Variants in NTN1 observed in about 807,000 individuals in gnomAD.
NTN1 encodes netrin 1.
A neutral mutation model predicts 54.2 loss-of-function variants in NTN1; 11 were observed. The observed-to-expected ratio is 0.20, with a 90% CI of 0.13 to 0.34. The LOEUF (loss-of-function observed/expected upper bound fraction) is 0.34. Among genes scored for constraint, NTN1 ranks in the 10% least tolerant of loss-of-function variants. The pLI is 1.00. For missense variants in NTN1, 740 were observed against 893.1 expected, an observed-to-expected ratio of 0.83 and a Z score of 2.18; for synonymous variants, 371 against 382.0, an observed-to-expected ratio of 0.97 and a Z score of 0.33.
chr17:9,161,203 G>A (rs1480298116), intron 2 of NTN1, among the ~76,000 whole-genome samples: 1 of 152,084 alleles, frequency 6.6e-6, no homozygotes, highest in Non-Finnish European at 1.5e-5. Flanking sequence ...GGTGGAGCGG[G>A]GCTGGGAAGT....
In NTN1 at chr17:9,183,676, A is replaced by T. The variant is rs553620283; in HGVS notation, c.1411+707A>T. On this transcript the variant is annotated intron_variant, in intron 5 of 6. Coordinates refer to ENST00000173229, the MANE Select transcript of NTN1 (RefSeq NM_004822.3). Reference sequence around the variant, plus strand: ...AGAAGCACTCGCGTAACGTAACCATACCATCAATCTGGGTCTTTAAAGATA... The same window carrying T: ...AGAAGCACTCGCGTAACGTAACCATTCCATCAATCTGGGTCTTTAAAGATA... 6.6e-5 allele frequency: 13 copies of T among 197,022 alleles called. No individual in the cohort carries two copies. The East Asian group carries it at 1.2e-3, about 18-fold the overall frequency. The allele number at this position is 197,022 out of a possible 1,614,324, so 12.2% of individuals were successfully genotyped here.
intron 2 of NTN1, among the ~76,000 whole-genome samples, chr17:9,102,597 A>G (rs190654296): frequency 6.6e-6 from 1 of 152,246 alleles, no homozygotes; most frequent in Non-Finnish European, 1.5e-5. Flanking sequence ...TGCCCATCTT[A>G]TAACGCAGCA....
chr17:9,183,569 A>G (rs1337209525), intron 5 of NTN1: 2 of 307,752 alleles, frequency 6.5e-6, no homozygotes, highest in Admixed American at 1.0e-4. Flanking sequence ...TATCATAAAT[A>G]TCGTTCATGC....
chr17:9,123,892 C>T (rs566204167), intron 2 of NTN1, among the ~76,000 whole-genome samples: 1 of 152,176 alleles, frequency 6.6e-6, no homozygotes, highest in Non-Finnish European at 1.5e-5. Context: ...AAGGGTTATT[C>T]ATGTTGTTGT....
At chr17:9,127,604 C>T (rs1392068223) in intron 2 of NTN1, among the ~76,000 whole-genome samples, 1 of 152,072 alleles carries the variant, frequency 6.6e-6, no homozygotes, top group Non-Finnish European at 1.5e-5. Context: ...TCGGTGTCTA[C>T]TGGGCACACT....
intron 6 of NTN1, among the ~76,000 whole-genome samples, chr17:9,227,997 C>T (rs962560690): frequency 3.9e-5 from 6 of 152,186 alleles, no homozygotes; most frequent in African/African-American, 1.4e-4. Flanking sequence ...AGCCTCCCCT[C>T]CACACTCGTT....
intron 5 of NTN1, among the ~76,000 whole-genome samples, chr17:9,207,271 G>A (rs753293393): frequency 2.2e-4 from 34 of 152,184 alleles, no homozygotes; most frequent in Non-Finnish European, 4.6e-4. Flanking sequence ...TTGCTTTTCA[G>A]AACAGCCAGA....
intron 2 of NTN1, among the ~76,000 whole-genome samples, chr17:9,048,047 G>T (rs1024944157): frequency 1.3e-5 from 2 of 152,114 alleles, no homozygotes; most frequent in African/African-American, 4.8e-5. Context: ...TTTTCAGAAG[G>T]TTTTCAATTT....
intron 6 of NTN1, among the ~76,000 whole-genome samples, chr17:9,224,336 C>T (rs1205258096): frequency 6.6e-6 from 1 of 152,216 alleles, no homozygotes; most frequent in Non-Finnish European, 1.5e-5. Context: ...CTGCGCCCTG[C>T]CCTGTTGTGG....
chr17:9,096,122 C>T (rs979428634), intron 2 of NTN1, among the ~76,000 whole-genome samples: 7 of 151,964 alleles, frequency 4.6e-5, no homozygotes, highest in Non-Finnish European at 7.4e-5. Flanking sequence ...TGAATCTTCT[C>T]GTATGAAACT....
intron 3 of NTN1, among the ~76,000 whole-genome samples, chr17:9,172,387 G>A (rs1227263143): frequency 6.6e-6 from 1 of 152,120 alleles, no homozygotes; most frequent in Non-Finnish European, 1.5e-5. Context: ...GGCTGAGGTA[G>A]GAGAATGGCG....
chr17:9,029,631 C>T (rs1424571876), intron 2 of NTN1, among the ~76,000 whole-genome samples: 1 of 152,226 alleles, frequency 6.6e-6, no homozygotes, highest in Non-Finnish European at 1.5e-5. Flanking sequence ...GTATTGCATT[C>T]CTGTCTCCTT....
rs1385894531 is a variant in NTN1, at chr17:9,240,856, A to T, written c.*888A>T. 2 of 152,292 alleles carry T rather than the reference A, an allele frequency of 1.3e-5. No individual in the cohort carries two copies. The highest frequency in any genetic ancestry group is 4.8e-5 in the African/African-American group (2 of 41,456). 9.4% of individuals were successfully genotyped at this position (152,292 alleles called of 1,614,324 possible). A position where few individuals can be genotyped will look rare whatever the true frequency, so the allele number is the denominator to read the frequency against. ...TCATGCTGGAGCTGCCTGTTGGAGG[A>T]GGCATCGCAAACGCAAAACCTCCCA... On this transcript the variant is annotated 3_prime_UTR_variant, in exon 7 of 7. Transcript: ENST00000173229.
chr17:9,069,760 C>T (rs2092026783), intron 2 of NTN1, among the ~76,000 whole-genome samples: 1 of 152,134 alleles, frequency 6.6e-6, no homozygotes, highest in Non-Finnish European at 1.5e-5. Flanking sequence ...CCAGTTCCTC[C>T]TTAGGATAAG....
chr17:9,213,730 A>G (rs984490345), intron 5 of NTN1, among the ~76,000 whole-genome samples: 1 of 152,224 alleles, frequency 6.6e-6, no homozygotes, highest in Non-Finnish European at 1.5e-5. Context: ...CAGATCAAAT[A>G]GCGTGAAATC....
the NTN1 span, among the ~76,000 whole-genome samples, chr17:9,011,225 G>A: frequency 6.6e-6 from 1 of 152,186 alleles, no homozygotes; most frequent in Non-Finnish European, 1.5e-5. Context: ...ATGTCCTGCT[G>A]TGTGGCCTCG....
chr17:9,102,187 A>G (rs1362594382), intron 2 of NTN1, among the ~76,000 whole-genome samples: 2 of 152,244 alleles, frequency 1.3e-5, no homozygotes, highest in African/African-American at 2.4e-5. Flanking sequence ...TTGTGGCTGT[A>G]TTAGTCCATT....
At chr17:9,143,926 C>CAAAAAAA (rs2092305726) in intron 2 of NTN1, among the ~76,000 whole-genome samples, 1 of 145,578 alleles carries the variant, frequency 6.9e-6, no homozygotes, top group Non-Finnish European at 1.5e-5. Context: ...GATGGAATTT[C>CAAAAAAA]GCTCTTGTTG....
In NTN1 at chr17:9,023,114, C is replaced by A. The variant is rs1378932977; in HGVS notation, c.741C>A (p.Ile247=). 2 of 1,566,908 alleles carry A rather than the reference C, an allele frequency of 1.3e-6. No individual in the cohort carries two copies. The highest frequency in any genetic ancestry group is 2.7e-5 in the African/African-American group (2 of 74,008). ...AGGACTGGGTCACGGCCACAGACAT[C>A]CGCGTGGCCTTCAGCCGCCTGCACA... ...VLQDWVTATD[I]RVAFSRLHTF... The change falls in exon 2 of 7, where the codon ATC becomes ATA. Residue 247 remains isoleucine (I), a synonymous_variant. Transcript: ENST00000173229.
Sources: allele counts gnomAD v4.1 joint callset (sites outside exome capture counted in the v4.1 genomes callset), GRCh38; gene constraint gnomAD v4.1.1; transcripts MANE v1.5; gene names NCBI Gene and HGNC (gene_info 2026-07-23, HGNC 2026-07-21).